Variants in NRG3 observed in about 807,000 individuals in gnomAD.
NRG3 encodes neuregulin 3, also known as pro-neuregulin-3, membrane-bound isoform.
Under a neutral mutation model 66.9 loss-of-function variants are expected in NRG3, and 31 were observed. The observed-to-expected ratio is 0.46, with a 90% CI of 0.35 to 0.63. The LOEUF is 0.63. NRG3 is among the 20% of genes least tolerant of loss of function. The pLI, the probability that NRG3 is intolerant of heterozygous loss-of-function variation, is 0.00. For synonymous variants in NRG3, 393 were observed against 359.4 expected, an observed-to-expected ratio of 1.09 and a Z score of -1.06; for missense variants, 910 against 878.9, an observed-to-expected ratio of 1.04 and a Z score of -0.45.
At chr10:82,689,702 T>G (rs958962720) in intron 2 of NRG3, among the ~76,000 whole-genome samples, 6 of 152,212 alleles carry the variant, frequency 3.9e-5, no homozygotes, top group African/African-American at 1.4e-4. Context: ...CAAACTGAAG[T>G]GGCACATTCT....
At chr10:82,339,307 T>C (rs2082556434) in intron 1 of NRG3, among the ~76,000 whole-genome samples, 1 of 152,128 alleles carries the variant, frequency 6.6e-6, no homozygotes, top group Non-Finnish European at 1.5e-5. Flanking sequence ...TGAGACTGGG[T>C]AATTTAAGAA....
chr10:81,926,283 A>G (rs1469703518), intron 1 of NRG3, among the ~76,000 whole-genome samples: 1 of 151,772 alleles, frequency 6.6e-6, no homozygotes, highest in African/African-American at 2.4e-5. Flanking sequence ...ATAGCCAGAT[A>G]CTTTTTTTTT....
chr10:82,973,481 G>T (rs1353587288), intron 6 of NRG3, among the ~76,000 whole-genome samples: 3 of 152,142 alleles, frequency 2.0e-5, no homozygotes, highest in Admixed American at 6.5e-5. Flanking sequence ...ACTTGTAAGT[G>T]CCTTTTGGCT....
chr10:82,201,227 G>T lies in NRG3; in HGVS notation c.824-157512G>T, dbSNP rs562644274. Among the ~76,000 whole-genome samples, 107 of 151,310 alleles carry T rather than the reference G, an allele frequency of 7.1e-4. 1 individual carries two copies. The highest frequency in any genetic ancestry group is 2.5e-3 in the African/African-American group (102 of 41,314). ...AAAAAAAAAAAAAAAAGACAGCTGTGGTTTCAGGCTGGAACCACTGGAGCC... is the reference window on the plus strand; with the variant it reads ...AAAAAAAAAAAAAAAAGACAGCTGTTGTTTCAGGCTGGAACCACTGGAGCC... On this transcript the variant is annotated intron_variant, in intron 1 of 8. Coordinates refer to ENST00000372141, the MANE Select transcript of NRG3 (RefSeq NM_001010848.4).
chr10:82,254,237 G>T (rs2077610291), intron 1 of NRG3, among the ~76,000 whole-genome samples: 1 of 152,170 alleles, frequency 6.6e-6, no homozygotes, highest in Non-Finnish European at 1.5e-5. Context: ...TTATAAGCCA[G>T]GATCTAGTAC....
intron 2 of NRG3, among the ~76,000 whole-genome samples, chr10:82,715,933 A>G (rs1182847571): frequency 6.6e-6 from 1 of 152,104 alleles, no homozygotes; most frequent in Non-Finnish European, 1.5e-5. Context: ...CTAGCTCTCT[A>G]GCCTCTTCTT....
In NRG3 at chr10:81,878,141, C is replaced by T. The variant is rs529636354; in HGVS notation, c.823+1978C>T. 80 of 1,424,838 alleles carry T rather than the reference C, an allele frequency of 5.6e-5. No homozygotes were observed. In the South Asian group the frequency reaches 8.8e-4, roughly 16 times the overall value. The allele number at this position is 1,424,838 out of a possible 1,614,324, so 88.3% of individuals were successfully genotyped here. On this transcript the variant is annotated intron_variant, in intron 1 of 8. Transcript: ENST00000372141. ...ATGCTCTCTTCCTACATTCCGTGGA[C>T]GGGAATGGCAGCCTGTTTAATAAGT...
At chr10:82,732,190 G>T (rs1276263613) in intron 2 of NRG3, among the ~76,000 whole-genome samples, 2 of 152,104 alleles carry the variant, frequency 1.3e-5, no homozygotes, top group Non-Finnish European at 2.9e-5. Context: ...CAATTCACCT[G>T]AAGTCTTCTT....
At chr10:82,069,932 G>C (rs926518002) in intron 1 of NRG3, among the ~76,000 whole-genome samples, 9 of 152,124 alleles carry the variant, frequency 5.9e-5, no homozygotes, top group Non-Finnish European at 1.0e-4. Context: ...TTAATAGTCT[G>C]TCAAAATCCA....
At chr10:82,173,075 T>A (rs910303705) in intron 1 of NRG3, among the ~76,000 whole-genome samples, 2 of 152,126 alleles carry the variant, frequency 1.3e-5, no homozygotes, top group African/African-American at 4.8e-5. Flanking sequence ...TGCTTGGTTT[T>A]CACTACCATT....
At chr10:82,615,978 A>G (rs565995054) in intron 2 of NRG3, among the ~76,000 whole-genome samples, 13 of 152,292 alleles carry the variant, frequency 8.5e-5, no homozygotes, top group Non-Finnish European at 1.2e-4. Flanking sequence ...GAGCACTAAT[A>G]TAGTTAGCCT....
chr10:82,631,966 G>C (rs752301680), intron 2 of NRG3, among the ~76,000 whole-genome samples: 2 of 152,052 alleles, frequency 1.3e-5, no homozygotes, highest in African/African-American at 2.4e-5. Flanking sequence ...GCTGAGTGTG[G>C]TGCCAGGTGC....
intron 1 of NRG3, among the ~76,000 whole-genome samples, chr10:82,234,674 TG>T (rs1344166330): frequency 5.9e-5 from 9 of 152,046 alleles, no homozygotes; most frequent in Non-Finnish European, 1.3e-4. Flanking sequence ...AAGAGAAAAA[TG>T]AGAGAGAGCT....
chr10:82,116,599 C>G (rs1484587298), intron 1 of NRG3, among the ~76,000 whole-genome samples: 2 of 152,012 alleles, frequency 1.3e-5, no homozygotes, highest in Non-Finnish European at 2.9e-5. Context: ...ATTTAAGAGC[C>G]TATATTTTTT....
chr10:82,150,122 A>G (rs191158481), intron 1 of NRG3, among the ~76,000 whole-genome samples: 1 of 152,198 alleles, frequency 6.6e-6, no homozygotes, highest in Admixed American at 6.5e-5. Context: ...CAGCAACTAA[A>G]GGATTAACAG....
intron 1 of NRG3, among the ~76,000 whole-genome samples, chr10:82,141,085 A>C (rs2069747610): frequency 1.3e-5 from 2 of 152,132 alleles, no homozygotes; most frequent in Admixed American, 1.3e-4. Flanking sequence ...CTTCTTTTAC[A>C]AGAAAGGAGA....
chr10:82,790,089 G>A (rs1191631312), intron 3 of NRG3, among the ~76,000 whole-genome samples: 1 of 151,926 alleles, frequency 6.6e-6, no homozygotes, highest in Non-Finnish European at 1.5e-5. Flanking sequence ...TTTATGTATT[G>A]CTTAATGTAG....
intron 2 of NRG3, among the ~76,000 whole-genome samples, chr10:82,508,218 A>G (rs577871361): frequency 6.6e-6 from 1 of 152,338 alleles, no homozygotes; most frequent in African/African-American, 2.4e-5. Context: ...CTGGCATGGA[A>G]TGCATTGTTT....
rs369197500 is a variant in NRG3 at position 82,150,253 on chromosome 10, A to G, written c.824-208486A>G. ...TATCACCCATTTGCAGGTGTTGAAG[A>G]CCGGTAAGTGCCCAGGAGCTGGCAG... On this transcript the variant is annotated intron_variant, in intron 1 of 8. Transcript: ENST00000372141. Among the ~76,000 whole-genome samples, 24 of 152,222 alleles carry G rather than the reference A, an allele frequency of 1.6e-4. No homozygotes were observed. The East Asian group carries it at 2.3e-3, about 15-fold the overall frequency.
Sources: gnomAD v4.1 joint callset for allele counts (sites outside exome capture counted in the v4.1 genomes callset) on GRCh38, gnomAD v4.1.1 for gene constraint, MANE v1.5 for transcripts, NCBI Gene and HGNC (gene_info 2026-07-23, HGNC 2026-07-21) for gene names.